ZNF462: variants seen among roughly 807,000 people sequenced by gnomAD.
ZNF462 encodes zinc finger protein 462, also known as zinc finger PBX1-interacting protein.
In ZNF462, 10 loss-of-function variants were observed where a neutral mutation model predicts 201.9. The ratio of observed to expected loss-of-function variants is 0.05; its 90% CI spans 0.03 to 0.08. The LOEUF is 0.08. Ranked by LOEUF, ZNF462 falls within the 10% of genes least tolerant of loss-of-function variation. The pLI is 1.00. For synonymous variants in ZNF462, 1,227 were observed against 1,193.3 expected, an observed-to-expected ratio of 1.03 and a Z score of -0.58; for missense variants, 2,523 against 3,168.3, an observed-to-expected ratio of 0.80 and a Z score of 4.89.
At position 106,978,453 on chromosome 9, in the gene ZNF462, G is replaced by A. The variant is rs568873949; in HGVS notation, c.6832+4180G>A. On this transcript the variant is annotated intron_variant, in intron 9 of 12. Coordinates refer to ENST00000277225, the MANE Select transcript of ZNF462 (RefSeq NM_021224.6). The surrounding 1 kb of genome is among the most constrained non-coding windows in gnomAD (Gnocchi z 4.1). Reference sequence around the variant, plus strand: ...GGAAGCCAGGACAAATTCTGATCAGGTTACTGATGAGACACTTATTGAATA... The same window carrying A: ...GGAAGCCAGGACAAATTCTGATCAGATTACTGATGAGACACTTATTGAATA... Among the ~76,000 whole-genome samples the A allele has an allele frequency of 6.6e-6, 1 of 151,594 alleles. No individual in the cohort carries two copies. Among genetic ancestry groups the A allele is most frequent in the Non-Finnish European group, 1.5e-5 (1 of 68,044 alleles).
At chr9:106,908,939 ATATTTTTTTTTTTTTTTTTTTTT>A (rs1829419830) in intron 1 of ZNF462, among the ~76,000 whole-genome samples, 6 of 29,948 alleles carry the variant, frequency 2.0e-4, no homozygotes, top group Admixed American at 1.4e-3. Flanking sequence ...ATATATATAT[ATATTTTTTTTTTTTTTTTTTTTT>A]TTTTTTTTTT....
intron 1 of ZNF462, among the ~76,000 whole-genome samples, chr9:106,873,197 G>A (rs958824685): frequency 2.6e-5 from 4 of 152,166 alleles, no homozygotes; most frequent in African/African-American, 9.7e-5. Flanking sequence ...AAAATTAATT[G>A]TAATATATTA....
intron 10 of ZNF462, among the ~76,000 whole-genome samples, chr9:106,985,157 A>C (rs1305174553): frequency 6.6e-6 from 1 of 152,116 alleles, no homozygotes; most frequent in African/African-American, 2.4e-5. Flanking sequence ...GTTCCAGTAA[A>C]AGTTTATTTA....
chr9:106,938,916 G>A lies in ZNF462; in HGVS notation c.6236G>A (p.Gly2079Asp). ...LKTHILKAHA[G>D]EHAYKCSWCS... Reference sequence around the variant, plus strand: ...ATTTCTTGTCACCATCCTCTTCCAGGTGAGCATGCCTACAAGTGTTCTTGG... The same window carrying A: ...ATTTCTTGTCACCATCCTCTTCCAGATGAGCATGCCTACAAGTGTTCTTGG... Residue 2079 changes from glycine (G) to aspartate (D), a missense_variant and splice_region_variant, in exon 7 of 13, where the codon GGT (glycine) becomes GAT (aspartate). Transcript: ENST00000277225. This position sits in a 1 kb window ranked among gnomAD's most constrained non-coding sequence, Gnocchi z 4.4. 4 of 1,602,264 alleles carry A rather than the reference G, an allele frequency of 2.5e-6. No individual in the cohort carries two copies. Among genetic ancestry groups the A allele is most frequent in the Non-Finnish European group, 1.7e-6 (2 of 1,174,244 alleles).
chr9:106,995,857 G>A (rs1828679340), intron 10 of ZNF462, among the ~76,000 whole-genome samples: 1 of 152,150 alleles, frequency 6.6e-6, no homozygotes. Flanking sequence ...GGGTACATGT[G>A]CACAACGTGC....
intron 7 of ZNF462, among the ~76,000 whole-genome samples, chr9:106,965,112 G>A (rs1050911645): frequency 2.0e-5 from 3 of 152,056 alleles, no homozygotes; most frequent in Non-Finnish European, 4.4e-5. Context: ...TCGGATTGCT[G>A]GGAAAAATCT....
intron 1 of ZNF462, among the ~76,000 whole-genome samples, chr9:106,878,426 T>A (rs1827933012): frequency 6.6e-6 from 1 of 152,328 alleles, no homozygotes; most frequent in South Asian, 2.1e-4. Flanking sequence ...ATGATAGAGT[T>A]GGAAATAATT....
chr9:106,889,827 A>T (rs898313170), intron 1 of ZNF462, among the ~76,000 whole-genome samples: 1 of 152,138 alleles, frequency 6.6e-6, no homozygotes, highest in Admixed American at 6.5e-5. Context: ...GTTTTAATGC[A>T]TTTTATTTGG....
chr9:106,940,777 T>G (rs544853913), intron 7 of ZNF462, among the ~76,000 whole-genome samples: 1 of 151,624 alleles, frequency 6.6e-6, no homozygotes, highest in East Asian at 1.9e-4. Context: ...TCTGGGAAAA[T>G]TCAGAGTCAC....
chr9:107,002,924 G>A (rs1300588428), intron 10 of ZNF462, among the ~76,000 whole-genome samples: 1 of 152,110 alleles, frequency 6.6e-6, no homozygotes, highest in Non-Finnish European at 1.5e-5. Flanking sequence ...TTTGAAACTT[G>A]GGTTGTTATA....
intron 1 of ZNF462, among the ~76,000 whole-genome samples, chr9:106,911,480 T>TA (rs535727339): frequency 7.9e-5 from 12 of 151,764 alleles, no homozygotes; most frequent in South Asian, 2.1e-4. Flanking sequence ...TGAGAATATG[T>TA]AAAAAAAAAT....
At chr9:106,979,666 G>C (rs1827273734) in intron 9 of ZNF462, 1 of 147,600 alleles carries the variant, frequency 6.8e-6, no homozygotes, top group African/African-American at 2.7e-5. Context: ...AACGAGAAGA[G>C]AGACTAAAAA....
In ZNF462 at chr9:106,886,250, C is replaced by T. The variant is rs185393273; in HGVS notation, c.-31+22895C>T. 6.6e-6 allele frequency among the ~76,000 whole-genome samples: 1 copy of T among 152,280 alleles called. No homozygotes were observed. The highest frequency in any genetic ancestry group is 1.9e-4 in the East Asian group (1 of 5,170). Reference sequence around the variant, plus strand: ...CTGGGATTGTTACCTCACTGGACCGCTCTTTAAACTTTCTCTGTCTTTTCA... The same window carrying T: ...CTGGGATTGTTACCTCACTGGACCGTTCTTTAAACTTTCTCTGTCTTTTCA... On this transcript the variant is annotated intron_variant, in intron 1 of 12. Transcript: ENST00000277225. The surrounding 1 kb of genome is among the most constrained non-coding windows in gnomAD (Gnocchi z 4.6).
chr9:106,978,792 G>T lies in ZNF462; in HGVS notation c.6832+4519G>T, dbSNP rs1827203694. On this transcript the variant is annotated intron_variant, in intron 9 of 12. Coordinates refer to ENST00000277225, the MANE Select transcript of ZNF462 (RefSeq NM_021224.6). The surrounding 1 kb of genome is among the most constrained non-coding windows in gnomAD (Gnocchi z 4.1). Reference sequence around the variant, plus strand: ...AGTGTACATTTAACCCAGTTTAGTGGCAAGTCTTTTAGCTTCTGCCTCTTA... The same window carrying T: ...AGTGTACATTTAACCCAGTTTAGTGTCAAGTCTTTTAGCTTCTGCCTCTTA... 6.2e-6 allele frequency: 1 copy of T among 161,556 alleles called. No individual in the cohort carries two copies. The highest frequency in any genetic ancestry group is 6.5e-5 in the Admixed American group (1 of 15,454). 10.0% of individuals were successfully genotyped at this position (161,556 alleles called of 1,614,324 possible). A position where few individuals can be genotyped will look rare whatever the true frequency, so the allele number is the denominator to read the frequency against.
intron 7 of ZNF462, among the ~76,000 whole-genome samples, chr9:106,969,771 G>A (rs1826495310): frequency 6.6e-6 from 1 of 152,142 alleles, no homozygotes; most frequent in Non-Finnish European, 1.5e-5. Flanking sequence ...ATTGTGGATG[G>A]TAGACAGATC....
intron 1 of ZNF462, among the ~76,000 whole-genome samples, chr9:106,910,386 T>TTA (rs965036059): frequency 6.9e-6 from 1 of 145,822 alleles, no homozygotes; most frequent in African/African-American, 2.5e-5. Flanking sequence ...TTTTTTTTTT[T>TTA]AATAACTCAT....
rs1832050781 is a variant in ZNF462, at chr9:106,965,924, G to T, written c.6428-6081G>T. 3.3e-5 allele frequency among the ~76,000 whole-genome samples: 5 copies of T among 152,018 alleles called. No homozygotes were observed. In the South Asian group the frequency reaches 1.0e-3, roughly 32 times the overall value. Reference sequence around the variant, plus strand: ...TGCATGGCATCCCAAAAGTTTCCTGGCTATTAAATAAAGTACATTTTTAGC... The same window carrying T: ...TGCATGGCATCCCAAAAGTTTCCTGTCTATTAAATAAAGTACATTTTTAGC... On this transcript the variant is annotated intron_variant, in intron 7 of 12. Transcript: ENST00000277225.
chr9:106,866,665 T>A (rs1413525853), intron 1 of ZNF462, among the ~76,000 whole-genome samples: 2 of 152,208 alleles, frequency 1.3e-5, no homozygotes, highest in Non-Finnish European at 2.9e-5. Context: ...TATTATTCAT[T>A]TTTGAACATT....
chr9:107,002,558 A>G (rs1002524690), intron 10 of ZNF462, among the ~76,000 whole-genome samples: 1 of 152,090 alleles, frequency 6.6e-6, no homozygotes, highest in African/African-American at 2.4e-5. Context: ...TTCCCCTCCA[A>G]TGATACTTTG....
Sources: gnomAD v4.1 joint callset for allele counts (sites outside exome capture counted in the v4.1 genomes callset) on GRCh38, gnomAD v4.1.1 for gene constraint, Gnocchi (gnomAD v3.1) non-coding constraint, MANE v1.5 for transcripts, NCBI Gene and HGNC (gene_info 2026-07-23, HGNC 2026-07-21) for gene names.